The following CLIC5 variants were observed in gnomAD, a reference collection of about 807,000 sequenced individuals.
CLIC5 encodes the protein CLIC family member 5.
CLIC5 carries 20 observed loss-of-function variants against 24.7 expected under a neutral mutation model. The observed-to-expected ratio is 0.81, with a 90% CI of 0.57 to 1.18. CLIC5 has a LOEUF of 1.18. CLIC5 is among the 50% of genes most tolerant of loss of function. The pLI, the probability that CLIC5 is intolerant of heterozygous loss-of-function variation, is 0.00. For synonymous variants in CLIC5, 159 were observed against 135.6 expected, an observed-to-expected ratio of 1.17 and a Z score of -1.20; for missense variants, 341 against 326.1, an observed-to-expected ratio of 1.05 and a Z score of -0.35.
chr6:45,904,514 G>A (rs916711430), intron 5 of CLIC5, among the ~76,000 whole-genome samples: 1 of 151,058 alleles, frequency 6.6e-6, no homozygotes, highest in Non-Finnish European at 1.5e-5. Context: ...TTTAAACAGG[G>A]CCCCCCTGTT....
chr6:46,044,988 C>T (rs1767915813), intron 1 of CLIC5, among the ~76,000 whole-genome samples: 1 of 152,162 alleles, frequency 6.6e-6, no homozygotes, highest in Admixed American at 6.5e-5. Flanking sequence ...AAGCGGCTGG[C>T]ATCTAGCATG....
upstream of CLIC5, among the ~76,000 whole-genome samples, chr6:46,020,212 A>C (rs1056187198): frequency 6.6e-6 from 1 of 152,200 alleles, no homozygotes; most frequent in Non-Finnish European, 1.5e-5. Context: ...TAAAATAATG[A>C]AATTATACAA....
At chr6:45,974,181 C>A (rs895620173) in intron 1 of CLIC5, among the ~76,000 whole-genome samples, 3 of 151,642 alleles carry the variant, frequency 2.0e-5, no homozygotes, top group Admixed American at 2.0e-4. Flanking sequence ...ATATATAAAA[C>A]CACCAGGCTG....
chr6:45,895,778 A>G (rs1262428835), downstream of CLIC5, among the ~76,000 whole-genome samples: 1 of 152,218 alleles, frequency 6.6e-6, no homozygotes, highest in East Asian at 1.9e-4. Flanking sequence ...CACAGGAAAC[A>G]ATTCTAGACA....
At chr6:46,012,873 T>G (rs1015087653) in intron 1 of CLIC5, among the ~76,000 whole-genome samples, 1 of 152,218 alleles carries the variant, frequency 6.6e-6, no homozygotes, top group Admixed American at 6.5e-5. Context: ...TTCTTTATCT[T>G]TCACATAAGT....
At chr6:46,078,950 A>C (rs182257989) in intron 1 of CLIC5, among the ~76,000 whole-genome samples, 2 of 152,312 alleles carry the variant, frequency 1.3e-5, no homozygotes, top group East Asian at 3.9e-4. Context: ...ATATTTATAT[A>C]ATAAATGTGA....
At chr6:46,117,288 A>G in the CLIC5 span, among the ~76,000 whole-genome samples, 4 of 152,312 alleles carry the variant, frequency 2.6e-5, no homozygotes, top group Admixed American at 6.5e-5. Context: ...TGAGACACCC[A>G]GTGCCTGTGA....
chr6:46,032,966 G>A (rs1219104154), intron 1 of CLIC5, among the ~76,000 whole-genome samples: 1 of 151,308 alleles, frequency 6.6e-6, no homozygotes, highest in South Asian at 2.1e-4. Context: ...CTAAGGGTAG[G>A]GCCTGGAAAT....
chr6:46,104,665 A>T, the CLIC5 span, among the ~76,000 whole-genome samples: 9 of 130,862 alleles, frequency 6.9e-5, no homozygotes, highest in Admixed American at 2.3e-4. Context: ...TCCTATGTTT[A>T]AAAAAAAAAA....
chr6:45,913,713 G>A, intron 5 of CLIC5: 1 of 1,034,164 alleles, frequency 9.7e-7, no homozygotes, highest in African/African-American at 1.7e-5. Context: ...TAGCAAGAAA[G>A]TGACATCACT....
At chr6:46,103,782 T>A in the CLIC5 span, among the ~76,000 whole-genome samples, 4 of 152,314 alleles carry the variant, frequency 2.6e-5, no homozygotes, top group South Asian at 8.3e-4. Flanking sequence ...AGGGGAGGTT[T>A]TCCTTTGGCT....
chr6:45,912,486 T>G, intron 5 of CLIC5: 1 of 1,315,386 alleles, frequency 7.6e-7, no homozygotes, highest in Non-Finnish European at 9.8e-7. Context: ...TGAATACATG[T>G]TTGAGCAAGA....
chr6:45,976,017 C>T (rs1765373272), intron 1 of CLIC5, among the ~76,000 whole-genome samples: 1 of 152,080 alleles, frequency 6.6e-6, no homozygotes, highest in South Asian at 2.1e-4. Context: ...GCTGATGCTC[C>T]CCTAAGAAGT....
At chr6:46,043,739 C>G (rs1002317596) in intron 1 of CLIC5, among the ~76,000 whole-genome samples, 1 of 152,038 alleles carries the variant, frequency 6.6e-6, no homozygotes, top group Non-Finnish European at 1.5e-5. Context: ...GCTTCATTTA[C>G]TTCCTGAGGG....
chr6:46,033,954 A>G (rs1767584331), intron 1 of CLIC5, among the ~76,000 whole-genome samples: 1 of 152,248 alleles, frequency 6.6e-6, no homozygotes, highest in Non-Finnish European at 1.5e-5. Context: ...TTTTAAAGGC[A>G]ACAATGGTGG....
At chr6:46,059,123 T>C (rs981643316) in intron 1 of CLIC5, among the ~76,000 whole-genome samples, 1 of 152,222 alleles carries the variant, frequency 6.6e-6, no homozygotes, top group African/African-American at 2.4e-5. Flanking sequence ...AAATCTGTAA[T>C]AAATCCCTCT....
At chr6:45,897,020 C>A (rs1050437419), downstream of CLIC5, among the ~76,000 whole-genome samples, 4 of 152,134 alleles carry the variant, frequency 2.6e-5, no homozygotes, top group Admixed American at 6.5e-5. Flanking sequence ...AATTACAGAA[C>A]AGGAAATCCA....
intron 1 of CLIC5, among the ~76,000 whole-genome samples, chr6:46,056,850 C>T (rs1207294804): frequency 6.6e-6 from 1 of 152,142 alleles, no homozygotes; most frequent in Non-Finnish European, 1.5e-5. Context: ...CATATGCCTT[C>T]CTGCCTACTG....
In CLIC5 at chr6:45,901,025, A is replaced by G. The variant is rs1762497458; in HGVS notation, c.*2063T>C. The G allele has an allele frequency of 6.6e-6, 1 of 152,152 alleles. No individual in the cohort carries two copies. The highest frequency in any genetic ancestry group is 1.5e-5 in the Non-Finnish European group (1 of 68,040). 9.4% of individuals were successfully genotyped at this position (152,152 alleles called of 1,614,324 possible). A position where few individuals can be genotyped will look rare whatever the true frequency, so the allele number is the denominator to read the frequency against. On this transcript the variant is annotated 3_prime_UTR_variant, in exon 6 of 6. Transcript: ENST00000339561. The stretch of plus-strand genomic sequence containing the variant: ...AACAGCCCAACTGTGGGTCTCAGGG[A>G]AGTAAACTGCCTCTTAGGTCATCCT...
Sources: allele counts gnomAD v4.1 joint callset (sites outside exome capture counted in the v4.1 genomes callset), GRCh38; gene constraint gnomAD v4.1.1; transcripts MANE v1.5; gene names NCBI Gene and HGNC (gene_info 2026-07-23, HGNC 2026-07-21).